VWF: variants seen among roughly 807,000 people sequenced by gnomAD.
VWF encodes the protein Factor VIII related antigen.
A neutral mutation model predicts 308.6 loss-of-function variants in VWF; 176 were observed. That is an observed-to-expected ratio of 0.57 (90% CI 0.50 to 0.65). The LOEUF (loss-of-function observed/expected upper bound fraction) is 0.65. Among genes scored for constraint, VWF ranks in the 30% least tolerant of loss-of-function variants. The pLI is 0.00. For missense variants in VWF, 3,146 were observed against 3,648.2 expected, an observed-to-expected ratio of 0.86 and a Z score of 3.55; for synonymous variants, 1,385 against 1,443.4, an observed-to-expected ratio of 0.96 and a Z score of 0.92.
At chr12:6,097,399 T>C (rs1945116917) in intron 5 of VWF, among the ~76,000 whole-genome samples, 1 of 151,950 alleles carries the variant, frequency 6.6e-6, no homozygotes, top group Non-Finnish European at 1.5e-5. Context: ...AATGCACCAC[T>C]GCACTCCAGC....
chr12:5,963,455 T>A (rs1006808267), intron 47 of VWF, among the ~76,000 whole-genome samples: 2 of 152,178 alleles, frequency 1.3e-5, no homozygotes, highest in Non-Finnish European at 2.9e-5. Context: ...CTAGAAGATA[T>A]CACTTCACAA....
rs1464997603 is a variant in VWF, at chr12:6,012,135, A to C, written c.5621-5T>G. On this transcript the variant is annotated splice_polypyrimidine_tract_variant and splice_region_variant and intron_variant, in intron 32 of 51. Transcript: ENST00000261405. ...CCATGCAAATCCTAACAAATCCTGC[A>C]ACAGACACAAATAAGACCTTAGTTC... 6.2e-7 allele frequency: 1 copy of C among 1,613,912 alleles called. No homozygotes were observed. Among genetic ancestry groups the C allele is most frequent in the Non-Finnish European group, 8.5e-7 (1 of 1,179,894 alleles).
intron 6 of VWF, among the ~76,000 whole-genome samples, chr12:6,092,626 T>TGAGAGAGAGAGAGAGA (rs1242670462): frequency 4.2e-4 from 35 of 83,524 alleles, no homozygotes; most frequent in Non-Finnish European, 6.2e-4. Context: ...AGAGTGTGTG[T>TGAGAGAGAGAGAGAGA]GTGTGTGTGT....
intron 42 of VWF, among the ~76,000 whole-genome samples, chr12:5,979,623 G>T (rs188436847): frequency 6.6e-6 from 1 of 151,802 alleles, no homozygotes; most frequent in Non-Finnish European, 1.5e-5. Context: ...GGTGGTGTGC[G>T]CCTGCAATCC....
At chr12:6,090,894 C>A (rs986609510) in intron 6 of VWF, among the ~76,000 whole-genome samples, 2 of 152,166 alleles carry the variant, frequency 1.3e-5, no homozygotes, top group Admixed American at 6.6e-5. Flanking sequence ...AAGGGGCTAT[C>A]AAGGGTATGG....
chr12:6,051,073 C>T (rs959433431), intron 16 of VWF, among the ~76,000 whole-genome samples: 3 of 151,788 alleles, frequency 2.0e-5, no homozygotes, highest in African/African-American at 7.3e-5. Context: ...TATTGAAATA[C>T]ATACTGAAGT....
chr12:5,969,336 C>T lies in VWF; in HGVS notation c.7604G>A (p.Arg2535Gln), dbSNP rs137987906. The change falls in exon 45 of 52, where the codon CGA (arginine) becomes CAA (glutamine). Residue 2535 changes from arginine (R) to glutamine (Q), a missense_variant. Arg to Gln is a conservative substitution (Grantham distance 43). Coordinates refer to ENST00000261405, the MANE Select transcript of VWF (RefSeq NM_000552.5). ...TTGTATAAAGACCTCCTCCTTCACT[C>T]GGACACACTCATTGATGAGGCAGGG... ...ENPCLINECV[R>Q]VKEEVFIQQR... 148 of 1,614,182 alleles carry T rather than the reference C, an allele frequency of 9.2e-5. No individual in the cohort carries two copies. The highest frequency in any genetic ancestry group is 4.9e-4 in the South Asian group (45 of 91,080).
rs11064012 is a variant in VWF at position 6,052,771 on chromosome 12, G to C, written c.1958C>G (p.Pro653Arg). ...GCACTGCAGGTACACCTGGCCTTTC[G>C]GGCAGTTCAGCTCTAGAAGAGAGAG... ...REPGRCELNCPKGQVYLQCGT... is the reference protein window; with the variant it reads ...REPGRCELNCRKGQVYLQCGT... The change falls in exon 16 of 52, where the codon CCG (proline) becomes CGG (arginine). Residue 653 changes from proline to arginine, a missense_variant. By Grantham distance (103) the Pro-to-Arg change is moderately radical. Transcript: ENST00000261405. The C allele has an allele frequency of 6.3e-7, 1 of 1,598,810 alleles. No individual in the cohort carries two copies. The highest frequency in any genetic ancestry group is 8.5e-7 in the Non-Finnish European group (1 of 1,175,914).
At chr12:6,053,077 G>A (rs574635377) in intron 15 of VWF, among the ~76,000 whole-genome samples, 1 of 152,060 alleles carries the variant, frequency 6.6e-6, no homozygotes, top group Admixed American at 6.5e-5. Context: ...TAATTATGGG[G>A]GCACACATTT....
chr12:6,063,278 AC>A lies in VWF; in HGVS notation c.1433-225del, dbSNP rs1364657523. On this transcript the variant is annotated intron_variant, in intron 12 of 51. Coordinates refer to ENST00000261405, the MANE Select transcript of VWF (RefSeq NM_000552.5). The surrounding 1 kb of genome is among the most constrained non-coding windows in gnomAD (Gnocchi z 4.9). ...GGGTCCCCCAGGAAGAAGCCTCTGC[AC>A]CCCCCGCTATGACCTGCCATTCCCC... 6.6e-5 allele frequency among the ~76,000 whole-genome samples: 10 copies of A among 152,028 alleles called. No individual in the cohort carries two copies. Among genetic ancestry groups the A allele is most frequent in the African/African-American group, 2.4e-4 (10 of 41,448 alleles).
intron 5 of VWF, among the ~76,000 whole-genome samples, chr12:6,106,584 T>C (rs1811854055): frequency 6.6e-6 from 1 of 151,920 alleles, no homozygotes; most frequent in African/African-American, 2.4e-5. Context: ...GTTAAGATAA[T>C]AAATTTTGGC....
In VWF at chr12:5,976,239, T is replaced by C. The variant is rs1943531933; in HGVS notation, c.7309A>G (p.Ile2437Val). 3 of 1,614,046 alleles carry C rather than the reference T, an allele frequency of 1.9e-6. No homozygotes were observed. Among genetic ancestry groups the C allele is most frequent in the South Asian group, 1.1e-5 (1 of 91,086 alleles). The change falls in exon 43 of 52, where the codon ATC (isoleucine) becomes GTC (valine). Residue 2437 changes from isoleucine (I) to valine (V), a missense_variant. Around this residue, in one of 3 missense-constraint regions of VWF, gnomAD observed 989 missense variants for 1,117.4 expected, o/e 0.89. Coordinates refer to ENST00000261405, the MANE Select transcript of VWF (RefSeq NM_000552.5). ...TCCCAGAACTGGCCCACAGGGTAGA[T>C]GGTGCTTCGGTGGACACACACCTGT... ...PDKVCVHRST[I>V]YPVGQFWEEG...
intron 42 of VWF, among the ~76,000 whole-genome samples, chr12:5,981,528 C>T (rs6489686): frequency 0.15 from 22,925 of 152,182 alleles, 1,902 homozygotes; most frequent in African/African-American, 0.2. Context: ...ACAAGAAATG[C>T]CTCCTGAGTT....
chr12:5,964,246 A>G (rs113120229), intron 47 of VWF, among the ~76,000 whole-genome samples: 11,753 of 132,708 alleles, frequency 0.089, 502 homozygotes, highest in South Asian at 0.16. Context: ...ATACATACAT[A>G]CATGCATACA....
Position 6,044,392 on chromosome 12 carries a change from G to C in VWF, c.2341C>G (p.Leu781Val). ...MVKLVCPADN[L>V]RAEGLECTKT... is the part of the protein sequence containing the mutation. ...GTACACTCGAGCCCTTCAGCCCGCA[G>C]GTTGTCAGCGGGACACACCAGCTTG... The change falls in exon 18 of 52, where the codon CTG (leucine) becomes GTG (valine). Residue 781 changes from leucine (L) to valine (V), a missense_variant. Leu to Val is a conservative substitution (Grantham distance 32). Coordinates refer to ENST00000261405, the MANE Select transcript of VWF (RefSeq NM_000552.5). 1 of 1,614,240 alleles carries C rather than the reference G, an allele frequency of 6.2e-7. No individual in the cohort carries two copies. The highest frequency in any genetic ancestry group is 8.5e-7 in the Non-Finnish European group (1 of 1,180,052).
intron 2 of VWF, chr12:6,122,898 G>A: frequency 1.3e-6 from 1 of 748,652 alleles, no homozygotes; most frequent in Non-Finnish European, 2.4e-6. Flanking sequence ...CATAATATAG[G>A]ACAGTTCTGT....
intron 43 of VWF, among the ~76,000 whole-genome samples, chr12:5,973,252 TGA>T (rs1006816841): frequency 1.7e-4 from 26 of 152,230 alleles, no homozygotes; most frequent in African/African-American, 6.3e-4. Context: ...TATCGACATT[TGA>T]TATCTTGTAT....
intron 47 of VWF, among the ~76,000 whole-genome samples, chr12:5,963,579 G>A (rs1029269060): frequency 2.0e-5 from 3 of 152,198 alleles, no homozygotes; most frequent in African/African-American, 7.2e-5. Context: ...TGCAAATTGT[G>A]TCTCTGCTGT....
At chr12:6,081,656 G>C (rs1477129868) in intron 6 of VWF, among the ~76,000 whole-genome samples, 1 of 152,090 alleles carries the variant, frequency 6.6e-6, no homozygotes, top group Admixed American at 6.5e-5. Flanking sequence ...TGGTTCTTAA[G>C]GTGAGGTCCA....
Sources: allele counts gnomAD v4.1 joint callset (sites outside exome capture counted in the v4.1 genomes callset), GRCh38; gene constraint gnomAD v4.1.1; regional missense constraint gnomAD v4.1.1; non-coding constraint Gnocchi (gnomAD v3.1); transcripts MANE v1.5; gene names NCBI Gene and HGNC (gene_info 2026-07-23, HGNC 2026-07-21).